TENM2: variants seen among roughly 807,000 people sequenced by gnomAD.
TENM2 encodes teneurin transmembrane protein 2, also known as teneurin-2.
In TENM2, 52 loss-of-function variants were observed where a neutral mutation model predicts 245.2. The observed-to-expected ratio is 0.21, with a 90% confidence interval of 0.17 to 0.27. The LOEUF is 0.27. Ranked by LOEUF, TENM2 falls within the 10% of genes least tolerant of loss-of-function variation. The pLI, the probability that TENM2 is intolerant of heterozygous loss-of-function variation, is 1.00. For missense variants in TENM2, 3,046 were observed against 3,666.8 expected (o/e 0.83, Z 4.37); for synonymous variants, 1,363 against 1,438.9 (o/e 0.95, Z 1.19).
chr5:166,999,950 G>C, the TENM2 span, among the ~76,000 whole-genome samples: 1 of 152,116 alleles, frequency 6.6e-6, no homozygotes, highest in Non-Finnish European at 1.5e-5. Context: ...TGAGGAAAAG[G>C]AGGTGGGGAA....
At chr5:167,073,315 T>C in the TENM2 span, among the ~76,000 whole-genome samples, 1 of 152,196 alleles carries the variant, frequency 6.6e-6, no homozygotes, top group Admixed American at 6.5e-5. Flanking sequence ...GGAGCACTCC[T>C]GTAAAGCCAG....
At chr5:167,247,152 C>T in the TENM2 span, among the ~76,000 whole-genome samples, 9 of 152,096 alleles carry the variant, frequency 5.9e-5, no homozygotes, top group Admixed American at 2.6e-4. Context: ...CAAACAACAA[C>T]GCAAGAGCTA....
rs34381656 is a variant in TENM2, at chr5:167,975,452, A to ATT, written c.948-17480_948-17479dup. ...AATGATGGTTACCTTTCTTAGTGGC[A>ATT]TTTTTTTTTTTTTGACGACTGAAAT... On this transcript the variant is annotated intron_variant, in intron 4 of 28. Coordinates refer to ENST00000518659, the Ensembl canonical transcript of TENM2. 5.0e-3 allele frequency among the ~76,000 whole-genome samples: 716 copies of ATT among 144,548 alleles called. 10 individuals are homozygous for ATT. Among genetic ancestry groups the ATT allele is most frequent in the African/African-American group, 0.017 (687 of 39,662 alleles). The allele number at this position is 144,548 out of a possible 152,430, so 94.8% of individuals were successfully genotyped here. A position where few individuals can be genotyped will look rare whatever the true frequency, so the allele number is the denominator to read the frequency against.
At chr5:168,207,204 C>T (rs1762417982) in intron 19 of TENM2, among the ~76,000 whole-genome samples, 1 of 152,182 alleles carries the variant, frequency 6.6e-6, no homozygotes, top group Non-Finnish European at 1.5e-5. Flanking sequence ...CCTTGGTCAT[C>T]TTTGTCCTTT....
chr5:167,767,992 G>A (rs1259574387), intron 2 of TENM2, among the ~76,000 whole-genome samples: 1 of 152,180 alleles, frequency 6.6e-6, no homozygotes, highest in Non-Finnish European at 1.5e-5. Context: ...GCAGTCATAT[G>A]CTCAGTGTGA....
intron 6 of TENM2, among the ~76,000 whole-genome samples, chr5:168,057,097 G>A (rs1196441881): frequency 6.6e-6 from 1 of 152,042 alleles, no homozygotes; most frequent in Non-Finnish European, 1.5e-5. Context: ...ATATATATGA[G>A]TAAAAAGTGA....
chr5:167,812,132 A>G (rs1274889362), intron 2 of TENM2, among the ~76,000 whole-genome samples: 1 of 152,200 alleles, frequency 6.6e-6, no homozygotes, highest in Non-Finnish European at 1.5e-5. Context: ...CTTCATAAAT[A>G]AAGACTTAAA....
At chr5:167,302,789 C>T (rs954678058) in intron 1 of TENM2, among the ~76,000 whole-genome samples, 2 of 152,042 alleles carry the variant, frequency 1.3e-5, no homozygotes, top group Non-Finnish European at 2.9e-5. Flanking sequence ...GTGGTTCTTG[C>T]CCCTCCCCCA....
intron 2 of TENM2, among the ~76,000 whole-genome samples, chr5:167,739,842 A>G (rs1761052590): frequency 1.3e-5 from 2 of 152,162 alleles, no homozygotes; most frequent in African/African-American, 4.8e-5. Flanking sequence ...CACTGAAATG[A>G]CACAATATAC....
intron 2 of TENM2, among the ~76,000 whole-genome samples, chr5:167,838,321 G>T (rs1271759071): frequency 1.3e-5 from 2 of 152,204 alleles, no homozygotes; most frequent in African/African-American, 4.8e-5. Flanking sequence ...CAGCTGACTG[G>T]CTGCTGTGGG....
chr5:168,204,124 C>T (rs1762160199), intron 18 of TENM2, among the ~76,000 whole-genome samples: 1 of 152,060 alleles, frequency 6.6e-6, no homozygotes, highest in Non-Finnish European at 1.5e-5. Flanking sequence ...GATCCTCCTG[C>T]CCCAGCCTAC....
chr5:167,752,261 A>ATTTTTTTTTTTTTTTTTTTTT (rs575290973), intron 2 of TENM2, among the ~76,000 whole-genome samples: 3 of 123,354 alleles, frequency 2.4e-5, no homozygotes. Context: ...TGCCCAGCTA[A>ATTTTTTTTTTTTTTTTTTTTT]TTTTTTTTTT....
At chr5:168,006,660 T>C (rs578110237) in intron 5 of TENM2, among the ~76,000 whole-genome samples, 2 of 152,306 alleles carry the variant, frequency 1.3e-5, no homozygotes, top group South Asian at 4.2e-4. Flanking sequence ...GCTTTTTCAT[T>C]ACATGAGGGA....
chr5:168,175,396 C>A (rs989791673), intron 13 of TENM2, among the ~76,000 whole-genome samples: 3 of 152,194 alleles, frequency 2.0e-5, no homozygotes, highest in Admixed American at 6.5e-5. Flanking sequence ...CCCTCAATTT[C>A]ATCCCCACTG....
chr5:167,621,903 C>T (rs1778201291), intron 2 of TENM2, among the ~76,000 whole-genome samples: 1 of 152,102 alleles, frequency 6.6e-6, no homozygotes, highest in South Asian at 2.1e-4. Context: ...AATTCTAAGA[C>T]ACAGGAAATT....
At chr5:167,104,320 G>T in the TENM2 span, among the ~76,000 whole-genome samples, 23 of 152,146 alleles carry the variant, frequency 1.5e-4, no homozygotes, top group Non-Finnish European at 2.9e-4. Flanking sequence ...TTACCATTGT[G>T]CCACAAAGAA....
At chr5:167,358,670 A>G (rs539230317) in intron 1 of TENM2, among the ~76,000 whole-genome samples, 10 of 151,478 alleles carry the variant, frequency 6.6e-5, no homozygotes, top group African/African-American at 2.2e-4. Context: ...TAGTATGTAC[A>G]TGGCAATGAC....
intron 2 of TENM2, chr5:167,660,387 C>A (rs1051434290): frequency 1.3e-5 from 2 of 149,042 alleles, no homozygotes. Flanking sequence ...ATGGCGTGAA[C>A]CCGGGAGGTG....
At chr5:167,427,848 A>AGAAGGAAGGACGGAAAGGAAGGGAAG (rs1763961396) in intron 2 of TENM2, among the ~76,000 whole-genome samples, 1 of 78,926 alleles carries the variant, frequency 1.3e-5, no homozygotes, top group Non-Finnish European at 2.4e-5. Context: ...AAGGAAGGGA[A>AGAAGGAAGGACGGAAAGGAAGGGAAG]GAAGGAAGGA....
Sources: allele counts gnomAD v4.1 joint callset (sites outside exome capture counted in the v4.1 genomes callset), GRCh38; gene constraint gnomAD v4.1.1; transcripts MANE v1.5; gene names NCBI Gene and HGNC (gene_info 2026-07-23, HGNC 2026-07-21).